The following XPO5 variants were observed in gnomAD, a reference collection of about 807,000 sequenced individuals.
The protein encoded by XPO5 is exportin 5.
In XPO5, 46 loss-of-function variants were observed where a neutral mutation model predicts 160.6. The ratio of observed to expected loss-of-function variants is 0.29; its 90% confidence interval spans 0.23 to 0.37. XPO5 has a LOEUF of 0.37. XPO5 is among the 10% of genes least tolerant of loss of function. The pLI is 1.00. For missense variants in XPO5, 1,090 were observed against 1,463.9 expected (o/e 0.74, Z 4.17); for synonymous variants, 537 against 519.3 (o/e 1.03, Z -0.46).
chr6:43,557,427 A>G (rs112903748), intron 12 of XPO5, among the ~76,000 whole-genome samples: 1 of 151,402 alleles, frequency 6.6e-6, no homozygotes, highest in African/African-American at 2.4e-5. Context: ...CTCCATCTCA[A>G]AAAAAAAAGA....
At chr6:43,562,198 C>T (rs765572201) in intron 9 of XPO5, 49 bp downstream of exon 9, 2 of 1,472,818 alleles carry the variant, frequency 1.4e-6, no homozygotes, top group Non-Finnish European at 1.9e-6. Context: ...TTTCTAAATG[C>T]TCTTCCCAAA....
intron 3 of XPO5, among the ~76,000 whole-genome samples, chr6:43,571,783 G>C (rs190607322): frequency 2.0e-5 from 3 of 151,126 alleles, no homozygotes; most frequent in Admixed American, 1.3e-4. Flanking sequence ...AATCCAGCCG[G>C]AGCAACAGAG....
chr6:43,575,298 G>C (rs1003473055), intron 1 of XPO5, among the ~76,000 whole-genome samples: 9 of 152,186 alleles, frequency 5.9e-5, no homozygotes, highest in African/African-American at 1.7e-4. Context: ...GTACCAGAGG[G>C]GCTGGAGCTC....
chr6:43,525,242 A>G, intron 28 of XPO5, 28 bp from the exon 29 acceptor site: 1 of 1,550,926 alleles, frequency 6.4e-7, no homozygotes, highest in Non-Finnish European at 8.7e-7. Context: ...AAGAGTTACA[A>G]TGGAAAAAGA....
intron 1 of XPO5, among the ~76,000 whole-genome samples, chr6:43,574,651 T>C (rs893284668): frequency 3.3e-5 from 5 of 152,072 alleles, no homozygotes; most frequent in Admixed American, 1.3e-4. Context: ...CTGACGTACA[T>C]AGGGGTGAAA....
intron 26 of XPO5, 37 bp from the exon 27 acceptor site, chr6:43,526,784 G>T: frequency 6.2e-7 from 1 of 1,603,770 alleles, no homozygotes; most frequent in Non-Finnish European, 8.5e-7. Context: ...GTGAAGGGTG[G>T]GTATATACTA....
At chr6:43,542,988 C>T (rs1403342088) in intron 20 of XPO5, among the ~76,000 whole-genome samples, 1 of 152,042 alleles carries the variant, frequency 6.6e-6, no homozygotes, top group Non-Finnish European at 1.5e-5. Context: ...TGAATAGTTA[C>T]AGCATATTCA....
rs1252755973 is a variant in XPO5, at chr6:43,567,369, G to T, written c.649-15C>A. On this transcript the variant is annotated splice_polypyrimidine_tract_variant and intron_variant, in intron 6 of 31. Transcript: ENST00000265351. ...TTTGCTTGCGCCTACCAGAAAAGAA[G>T]TAACTTTGGACCATGAAGTCCTCGG... 1.3e-6 allele frequency: 2 copies of T among 1,593,168 alleles called. No homozygotes were observed. Among genetic ancestry groups the T allele is most frequent in the Non-Finnish European group, 1.7e-6 (2 of 1,170,534 alleles).
In XPO5 at chr6:43,524,825, A is replaced by G; in HGVS notation, c.3312+6T>C. On this transcript the variant is annotated splice_donor_region_variant and intron_variant, in intron 30 of 31. Transcript: ENST00000265351. Reference sequence around the variant, plus strand: ...GCCATCCTTCCCCCATGCCTTCCCCACTCACCAGTGCCTCGTATATCTGGA... The same window carrying G: ...GCCATCCTTCCCCCATGCCTTCCCCGCTCACCAGTGCCTCGTATATCTGGA... The G allele has an allele frequency of 6.2e-7, 1 of 1,607,234 alleles. No individual in the cohort carries two copies. Among genetic ancestry groups the G allele is most frequent in the East Asian group, 2.2e-5 (1 of 44,866 alleles).
At chr6:43,561,254 C>G (rs998646973) in intron 9 of XPO5, 1 of 408,008 alleles carries the variant, frequency 2.5e-6, no homozygotes, top group African/African-American at 2.0e-5. Context: ...TGTGGTCAAA[C>G]AGTAAAATAA....
intron 3 of XPO5, among the ~76,000 whole-genome samples, 152 bp downstream of exon 3, chr6:43,572,354 G>T (rs1763052864): frequency 6.6e-6 from 1 of 152,230 alleles, no homozygotes. Context: ...TAGAATTACA[G>T]GTGTGAGTCA....
Position 43,523,664 on chromosome 6 carries a change from G to A in XPO5, c.*204C>T, listed in dbSNP as rs761824568. 8.1e-6 allele frequency: 7 copies of A among 859,254 alleles called. No individual in the cohort carries two copies. Among genetic ancestry groups the A allele is most frequent in the Admixed American group, 1.7e-5 (1 of 58,626 alleles). 53.2% of individuals were successfully genotyped at this position (859,254 alleles called of 1,614,324 possible). A position where few individuals can be genotyped will look rare whatever the true frequency, so the allele number is the denominator to read the frequency against. On this transcript the variant is annotated 3_prime_UTR_variant, in exon 32 of 32. Coordinates refer to ENST00000265351, the MANE Select transcript of XPO5 (RefSeq NM_020750.3). ...GGGACATCTAGACAGAATAGTTTAAGCCCTAACTCCCTTTCTTGATACTTT... is the reference window on the plus strand; with the variant it reads ...GGGACATCTAGACAGAATAGTTTAAACCCTAACTCCCTTTCTTGATACTTT...
intron 14 of XPO5, among the ~76,000 whole-genome samples, chr6:43,553,031 T>C (rs932069134): frequency 8.3e-6 from 1 of 121,028 alleles, no homozygotes; most frequent in East Asian, 2.0e-4. Flanking sequence ...ACCAGTTTAC[T>C]GGCCAGGCAT....
rs953580494 is a variant in XPO5, at chr6:43,546,830, G to C, written c.2161-78C>G. 3.6e-6 allele frequency: 5 copies of C among 1,379,304 alleles called. No homozygotes were observed. In the Admixed American group the frequency reaches 8.5e-5, roughly 24 times the overall value. 85.4% of individuals were successfully genotyped at this position (1,379,304 alleles called of 1,614,324 possible). On this transcript the variant is annotated intron_variant, in intron 19 of 31. Coordinates refer to ENST00000265351, the MANE Select transcript of XPO5 (RefSeq NM_020750.3). ...ACCAAATACTGTTAGATATATTCAA[G>C]GTTCTGGCAAAAGTGACACAGAGGC...
intron 8 of XPO5, among the ~76,000 whole-genome samples, chr6:43,563,103 A>C (rs2127747356): frequency 6.6e-6 from 1 of 152,180 alleles, no homozygotes; most frequent in African/African-American, 2.4e-5. Flanking sequence ...GGTAAGAAAC[A>C]TGTTATCAAG....
intron 2 of XPO5, among the ~76,000 whole-genome samples, 192 bp from the exon 3 acceptor site, chr6:43,572,770 GA>G (rs1227562918): frequency 2.0e-5 from 3 of 152,152 alleles, no homozygotes; most frequent in African/African-American, 7.2e-5. Flanking sequence ...AAATTCTTGG[GA>G]AAAGGTTTTA....
chr6:43,523,449 T>C lies in XPO5; in HGVS notation c.*419A>G, dbSNP rs1793324460. On this transcript the variant is annotated 3_prime_UTR_variant, in exon 32 of 32. Transcript: ENST00000265351. ...AGTTGGAGTGGTCCAAGAGAAACTC[T>C]GGCACAAGTAGTTGAGGGCTGTGCT... 5.8e-6 allele frequency: 2 copies of C among 341,994 alleles called. No homozygotes were observed. The highest frequency in any genetic ancestry group is 5.7e-6 in the Non-Finnish European group (1 of 173,994). 21.2% of individuals were successfully genotyped at this position (341,994 alleles called of 1,614,324 possible). A position where few individuals can be genotyped will look rare whatever the true frequency, so the allele number is the denominator to read the frequency against.
chr6:43,546,242 T>G (rs923534531), intron 20 of XPO5, among the ~76,000 whole-genome samples: 1 of 151,934 alleles, frequency 6.6e-6, no homozygotes, highest in African/African-American at 2.4e-5. Context: ...CAATGAGCAA[T>G]TCCTTTACTA....
intron 6 of XPO5, among the ~76,000 whole-genome samples, chr6:43,568,304 C>A (rs1762808721): frequency 6.6e-6 from 1 of 151,092 alleles, no homozygotes; most frequent in Non-Finnish European, 1.5e-5. Flanking sequence ...GAGACTCCGT[C>A]TCAAAAACAA....
Sources: gnomAD v4.1 joint callset for allele counts (sites outside exome capture counted in the v4.1 genomes callset) on GRCh38, gnomAD v4.1.1 for gene constraint, MANE v1.5 for transcripts, NCBI Gene and HGNC (gene_info 2026-07-23, HGNC 2026-07-21) for gene names.